Variants in WSB1 observed in about 807,000 individuals in gnomAD.
The protein encoded by WSB1 is WD repeat and SOCS box containing 1.
In WSB1, 23 loss-of-function variants were observed where a neutral mutation model predicts 50.2. That is an observed-to-expected ratio of 0.46 (90% CI 0.33 to 0.65). The LOEUF (loss-of-function observed/expected upper bound fraction) is 0.65. Among genes scored for constraint, WSB1 ranks in the 30% least tolerant of loss-of-function variants. The probability of loss-of-function intolerance (pLI) is 0.02; values close to 1 mark genes in which losing one functional copy is unlikely to be tolerated. For missense variants in WSB1, 492 were observed against 522.3 expected (o/e 0.94, Z 0.56); for synonymous variants, 179 against 172.0 (o/e 1.04, Z -0.32).
intron 1 of WSB1, among the ~76,000 whole-genome samples, chr17:27,298,313 C>G (rs1303557662): frequency 6.6e-6 from 1 of 152,028 alleles, no homozygotes; most frequent in Admixed American, 6.6e-5. Flanking sequence ...TTAAAACTTG[C>G]TTCCCTTATT....
rs958947132 is a variant in WSB1, at chr17:27,314,118, G to A, written c.*1749G>A. 11 of 152,230 alleles carry A rather than the reference G, an allele frequency of 7.2e-5. No homozygotes were observed. The highest frequency in any genetic ancestry group is 2.1e-4 in the South Asian group (1 of 4,830). The allele number at this position is 152,230 out of a possible 1,614,324, so 9.4% of individuals were successfully genotyped here. On this transcript the variant is annotated 3_prime_UTR_variant, in exon 9 of 9. Coordinates refer to ENST00000262394, the MANE Select transcript of WSB1 (RefSeq NM_015626.10). ...TAAGGAATGTAAAAATTTATAGGGGGTGTAGGGTTATCAATTTGAAAGCCA... is the reference window on the plus strand; with the variant it reads ...TAAGGAATGTAAAAATTTATAGGGGATGTAGGGTTATCAATTTGAAAGCCA...
intron 5 of WSB1, chr17:27,308,104 TA>T: frequency 1.8e-6 from 2 of 1,089,288 alleles, no homozygotes; most frequent in Non-Finnish European, 2.2e-6. Flanking sequence ...TTCTCTGTGC[TA>T]TTTTTTGGAA....
chr17:27,306,202 CTTTTTTTTTTTT>C (rs907711059), intron 4 of WSB1, among the ~76,000 whole-genome samples: 53 of 63,146 alleles, frequency 8.4e-4, no homozygotes, highest in African/African-American at 3.1e-3. Context: ...AGAATTCTGT[CTTTTTTTTTTTT>C]TTTTTTTTTT....
intron 8 of WSB1, 21 bp downstream of exon 8, chr17:27,311,637 T>A: frequency 1.3e-5 from 16 of 1,214,326 alleles, no homozygotes; most frequent in South Asian, 1.6e-5. Flanking sequence ...TTTTCTCTTT[T>A]TTTTTTTTTT....
intron 2 of WSB1, chr17:27,303,028 G>T (rs1278571509): frequency 9.5e-5 from 18 of 189,404 alleles, no homozygotes; most frequent in Non-Finnish European, 1.8e-4. Context: ...GGGTTTTTTT[G>T]TTTGTTTGTT....
At chr17:27,311,165 G>A (rs1011893270) in intron 7 of WSB1, among the ~76,000 whole-genome samples, 41 of 152,274 alleles carry the variant, frequency 2.7e-4, no homozygotes, top group African/African-American at 9.6e-4. Context: ...TTTTAAAAAT[G>A]TCTTGGGAAA....
intron 6 of WSB1, 124 bp downstream of exon 6, chr17:27,309,396 T>C: frequency 1.1e-6 from 1 of 915,824 alleles, no homozygotes; most frequent in South Asian, 2.1e-5. Context: ...AATGTTGGTA[T>C]TATTTAAGCC....
At position 27,306,202 on chromosome 17, in the gene WSB1, CTTTTTTTT is replaced by C. The variant is rs907711059; in HGVS notation, c.611-559_611-552del. 2.7e-4 allele frequency among the ~76,000 whole-genome samples: 17 copies of C among 63,144 alleles called. No homozygotes were observed. The South Asian group carries it at 0.011, about 42-fold the overall frequency. 41.4% of individuals were successfully genotyped at this position (63,144 alleles called of 152,430 possible). On this transcript the variant is annotated intron_variant, in intron 4 of 8. Transcript: ENST00000262394. ...GGGGATTGGACTAAAAGAATTCTGT[CTTTTTTTT>C]TTTTTTTTTTTTTTTTTTTTGAGAT...
At chr17:27,298,473 C>T (rs1466397434) in intron 1 of WSB1, among the ~76,000 whole-genome samples, 3 of 152,072 alleles carry the variant, frequency 2.0e-5, no homozygotes, top group South Asian at 2.1e-4. Context: ...TTAATCTCAC[C>T]GCTTTGGGAA....
At chr17:27,311,462 T>C in intron 7 of WSB1, 47 bp from the exon 8 acceptor site, 1 of 1,523,270 alleles carries the variant, frequency 6.6e-7, no homozygotes, top group Non-Finnish European at 8.9e-7. Context: ...AAGTTGCTTT[T>C]ACCTTACATT....
At position 27,312,213 on chromosome 17, in the gene WSB1, A is replaced by C. The variant is rs1383513521; in HGVS notation, c.1110A>C (p.Thr370=). 1.2e-6 allele frequency: 2 copies of C among 1,607,322 alleles called. No individual in the cohort carries two copies. Among genetic ancestry groups the C allele is most frequent in the African/African-American group, 2.7e-5 (2 of 74,394 alleles). Residue 370 remains threonine, a synonymous_variant, in exon 9 of 9, where the codon ACA becomes ACC. Coordinates refer to ENST00000262394, the MANE Select transcript of WSB1 (RefSeq NM_015626.10). ...CATGTGCTTTGTTTCTGTTTAGGAC[A>C]CATGACGGAAGTGTGTATTTTTGGG... ...STDGSVLAAG[T]HDGSVYFWAT...
chr17:27,309,729 C>G (rs1269624116), intron 6 of WSB1, among the ~76,000 whole-genome samples: 1 of 152,008 alleles, frequency 6.6e-6, no homozygotes, highest in East Asian at 1.9e-4. Context: ...CTTACAGGCA[C>G]CTGCAACCAC....
chr17:27,303,490 G>C lies in WSB1; in HGVS notation c.333G>C (p.Trp111Cys). Residue 111 changes from tryptophan (W) to cysteine (C), a missense_variant, in exon 3 of 9, where the codon TGG (tryptophan) becomes TGC (cysteine). Transcript: ENST00000262394. Reference sequence around the variant, plus strand: ...TTATAGACTGTGGAGATATAGTCTGGAGTCTTGCTTTTGGGTCATCAGTTC... The same window carrying C: ...TTATAGACTGTGGAGATATAGTCTGCAGTCTTGCTTTTGGGTCATCAGTTC... Reference protein sequence around the residue: ...EHIIDCGDIVWSLAFGSSVPE... With the variant: ...EHIIDCGDIVCSLAFGSSVPE... 6.2e-7 allele frequency: 1 copy of C among 1,614,124 alleles called. No homozygotes were observed. Among genetic ancestry groups the C allele is most frequent in the Non-Finnish European group, 8.5e-7 (1 of 1,180,026 alleles).
intron 4 of WSB1, among the ~76,000 whole-genome samples, chr17:27,305,226 T>C (rs950451100): frequency 1.4e-4 from 21 of 152,348 alleles, no homozygotes; most frequent in African/African-American, 4.1e-4. Flanking sequence ...TGTGTTTATG[T>C]CCTCTTAGGG....
chr17:27,304,965 G>A, intron 4 of WSB1, 54 bp downstream of exon 4: 2 of 1,604,312 alleles, frequency 1.2e-6, no homozygotes, highest in Non-Finnish European at 1.7e-6. Context: ...TACTACTATG[G>A]AGAGGTATTG....
rs1390835194 is a variant in WSB1, at chr17:27,312,467, A to C, written c.*98A>C. 5 of 1,486,134 alleles carry C rather than the reference A, an allele frequency of 3.4e-6. No homozygotes were observed. Among genetic ancestry groups the C allele is most frequent in the Admixed American group, 2.3e-5 (1 of 43,898 alleles). The allele number at this position is 1,486,134 out of a possible 1,614,324, so 92.1% of individuals were successfully genotyped here. On this transcript the variant is annotated 3_prime_UTR_variant, in exon 9 of 9. Transcript: ENST00000262394. ...AATTATCTGTTTTTAAAGACGTAGA[A>C]GATTTATTTAATTTGATATGTTCTT...
chr17:27,306,243 C>T (rs1445087956), intron 4 of WSB1, among the ~76,000 whole-genome samples: 1 of 113,042 alleles, frequency 8.8e-6, no homozygotes, highest in Non-Finnish European at 1.7e-5. Context: ...GATGGAGTCT[C>T]GCTCTTTCGC....
chr17:27,303,676 G>A (rs1344941515), intron 3 of WSB1, 41 bp downstream of exon 3: 3 of 1,597,842 alleles, frequency 1.9e-6, no homozygotes, highest in Non-Finnish European at 2.6e-6. Context: ...ATTATTTTAT[G>A]ATGCAGGGCA....
intron 5 of WSB1, chr17:27,308,606 T>C: frequency 1.0e-6 from 1 of 985,936 alleles, no homozygotes; most frequent in Non-Finnish European, 1.2e-6. Context: ...CTTCCTAGGC[T>C]CAAGTTGGTG....
Sources: allele counts gnomAD v4.1 joint callset (sites outside exome capture counted in the v4.1 genomes callset), GRCh38; gene constraint gnomAD v4.1.1; transcripts MANE v1.5; gene names NCBI Gene and HGNC (gene_info 2026-07-23, HGNC 2026-07-21).